The following LARS2 variants were observed in gnomAD, a reference collection of about 807,000 sequenced individuals.
LARS2 encodes the protein leucine--tRNA ligase, mitochondrial.
Under a neutral mutation model 116.6 loss-of-function variants are expected in LARS2, and 81 were observed. That is an observed-to-expected ratio of 0.69 (90% CI 0.58 to 0.84). LARS2 has a LOEUF of 0.84. LARS2 is among the 40% of genes least tolerant of loss of function. The pLI, the probability that LARS2 is intolerant of heterozygous loss-of-function variation, is 0.00. For synonymous variants in LARS2, 396 were observed against 407.2 expected (o/e 0.97, Z 0.33); for missense variants, 968 against 1,114.5 (o/e 0.87, Z 1.87).
At chr3:45,414,286 ATATAT>A (rs1698379477) in intron 4 of LARS2, among the ~76,000 whole-genome samples, 1 of 152,208 alleles carries the variant, frequency 6.6e-6, no homozygotes, top group Non-Finnish European at 1.5e-5. Flanking sequence ...TATATAAATA[ATATAT>A]TCTCAATTTT....
intron 4 of LARS2, among the ~76,000 whole-genome samples, chr3:45,404,312 A>G (rs886263824): frequency 6.6e-6 from 1 of 152,212 alleles, no homozygotes; most frequent in Non-Finnish European, 1.5e-5. Context: ...TATTTAAGTC[A>G]CAGCATCTCA....
intron 9 of LARS2, among the ~76,000 whole-genome samples, chr3:45,475,829 C>G (rs1575278124): frequency 6.6e-6 from 1 of 152,194 alleles, no homozygotes. Context: ...ATTATTGGCA[C>G]TCTGTCAATG....
chr3:45,491,713 T>G lies in LARS2; in HGVS notation c.1436T>G (p.Val479Gly). The change falls in exon 13 of 22, where the codon GTG becomes GGG. Residue 479 changes from valine (V) to glycine (G), a missense_variant. By Grantham distance (109) the Val-to-Gly change is moderately radical (BLOSUM62 -3). Transcript: ENST00000645846. ...PTPVPLEDLP[V>G]TLPNIASFTG... ...CCTGTGCCCCTGGAGGACTTGCCTG[T>G]GACCCTGCCCAACATCGCGTCTTTC... The G allele has an allele frequency of 6.2e-7, 1 of 1,614,052 alleles. No individual in the cohort carries two copies. The highest frequency in any genetic ancestry group is 8.5e-7 in the Non-Finnish European group (1 of 1,179,898).
At chr3:45,414,651 GC>G (rs1698385942) in intron 4 of LARS2, among the ~76,000 whole-genome samples, 2 of 151,922 alleles carry the variant, frequency 1.3e-5, no homozygotes, top group African/African-American at 4.8e-5. Flanking sequence ...ATAGCTGGCA[GC>G]CAGGAGTTCG....
intron 4 of LARS2, among the ~76,000 whole-genome samples, chr3:45,417,269 G>T (rs1698441373): frequency 6.6e-6 from 1 of 152,100 alleles, no homozygotes; most frequent in African/African-American, 2.4e-5. Flanking sequence ...CCTCCTCAGA[G>T]GTAACTTATT....
chr3:45,458,292 T>C (rs1699247210), intron 7 of LARS2, among the ~76,000 whole-genome samples: 2 of 152,210 alleles, frequency 1.3e-5, no homozygotes, highest in South Asian at 4.1e-4. Context: ...GTGTTCTTTG[T>C]ACAACTTGCA....
intron 20 of LARS2, chr3:45,538,295 A>G (rs2125769365): frequency 6.6e-6 from 1 of 152,266 alleles, no homozygotes; most frequent in African/African-American, 2.4e-5. Context: ...GGAATTTGTA[A>G]CAGCTTCTGC....
intron 4 of LARS2, among the ~76,000 whole-genome samples, chr3:45,402,639 G>A (rs1419368588): frequency 1.3e-5 from 2 of 152,160 alleles, no homozygotes; most frequent in African/African-American, 4.8e-5. Flanking sequence ...TCCTAAAAGA[G>A]GGTCACGTTG....
chr3:45,456,850 C>T (rs6768340), intron 7 of LARS2, among the ~76,000 whole-genome samples: 38,950 of 152,040 alleles, frequency 0.26, 5,266 homozygotes, highest in Middle Eastern at 0.4. Flanking sequence ...TATGTAAAAT[C>T]GCAGCCCACA....
intron 15 of LARS2, among the ~76,000 whole-genome samples, chr3:45,503,348 A>G (rs1700149760): frequency 6.6e-6 from 1 of 151,986 alleles, no homozygotes; most frequent in Non-Finnish European, 1.5e-5. Flanking sequence ...TTTCTAGTTC[A>G]TTGATGATTT....
chr3:45,528,122 A>G (rs1256343897), intron 20 of LARS2, among the ~76,000 whole-genome samples: 1 of 152,180 alleles, frequency 6.6e-6, no homozygotes, highest in Admixed American at 6.5e-5. Flanking sequence ...GGATCACTTG[A>G]GCCCAAGAGT....
intron 10 of LARS2, chr3:45,484,110 G>A (rs1699752716): frequency 6.6e-6 from 1 of 151,558 alleles, no homozygotes; most frequent in South Asian, 2.1e-4. Flanking sequence ...AGGAAGCTGA[G>A]GTGGGAGGAT....
chr3:45,411,315 C>G (rs191271240), intron 4 of LARS2, among the ~76,000 whole-genome samples: 1 of 152,182 alleles, frequency 6.6e-6, no homozygotes, highest in Non-Finnish European at 1.5e-5. Flanking sequence ...ACCTGGTTCC[C>G]GACACCCCTA....
intron 4 of LARS2, among the ~76,000 whole-genome samples, chr3:45,401,407 G>A (rs993503813): frequency 6.6e-6 from 1 of 152,034 alleles, no homozygotes; most frequent in African/African-American, 2.4e-5. Context: ...GGAGGCTGAG[G>A]TGGGAGAATC....
At chr3:45,531,849 C>T (rs1700620628) in intron 20 of LARS2, among the ~76,000 whole-genome samples, 1 of 152,210 alleles carries the variant, frequency 6.6e-6, no homozygotes, top group Non-Finnish European at 1.5e-5. Flanking sequence ...TAAAAATCTA[C>T]TCTCTTAGCA....
At chr3:45,448,439 G>A (rs1699056941) in intron 7 of LARS2, among the ~76,000 whole-genome samples, 1 of 152,104 alleles carries the variant, frequency 6.6e-6, no homozygotes, top group South Asian at 2.1e-4. Flanking sequence ...CTACAGTAGT[G>A]CCAAGACCAG....
intron 4 of LARS2, among the ~76,000 whole-genome samples, chr3:45,407,964 A>G (rs1051146525): frequency 2.2e-4 from 34 of 152,230 alleles, no homozygotes; most frequent in African/African-American, 7.7e-4. Flanking sequence ...TCTTTTAAAA[A>G]ATATATTTTA....
intron 12 of LARS2, among the ~76,000 whole-genome samples, chr3:45,489,158 G>A (rs893063109): frequency 6.6e-6 from 1 of 152,126 alleles, no homozygotes; most frequent in Non-Finnish European, 1.5e-5. Context: ...CCAGATTACT[G>A]ACATTATTTC....
intron 20 of LARS2, among the ~76,000 whole-genome samples, chr3:45,530,053 A>G (rs1480048345): frequency 6.6e-6 from 1 of 152,248 alleles, no homozygotes; most frequent in African/African-American, 2.4e-5. Context: ...CAGAACACAG[A>G]GCAACAGTTT....
Sources: allele counts gnomAD v4.1 joint callset (sites outside exome capture counted in the v4.1 genomes callset), GRCh38; gene constraint gnomAD v4.1.1; transcripts MANE v1.5; gene names NCBI Gene and HGNC (gene_info 2026-07-23, HGNC 2026-07-21).